COX11: variants seen among roughly 807,000 people sequenced by gnomAD.
The protein encoded by COX11 is cytochrome c oxidase copper chaperone COX11, also known as cytochrome c oxidase assembly protein COX11, mitochondrial.
Under a neutral mutation model 29.4 loss-of-function variants are expected in COX11, and 18 were observed. The observed-to-expected ratio is 0.61, with a 90% CI of 0.42 to 0.91. The LOEUF is 0.91. COX11 is among the 40% of genes least tolerant of loss of function. The pLI, the probability that COX11 is intolerant of heterozygous loss-of-function variation, is 0.00. For missense variants in COX11, 312 were observed against 346.0 expected, an observed-to-expected ratio of 0.90 and a Z score of 0.78; for synonymous variants, 131 against 124.0, an observed-to-expected ratio of 1.06 and a Z score of -0.38.
Position 54,964,683 on chromosome 17 carries a change from G to T in COX11, c.522+14C>A. 2 of 1,608,348 alleles carry T rather than the reference G, an allele frequency of 1.2e-6. No homozygotes were observed. Among genetic ancestry groups the T allele is most frequent in the African/African-American group, 1.3e-5 (1 of 74,908 alleles). ...TTAATAAAGTAATCTTTTAATGACTGGTTAGTCACTTACATATATTTCTGT... is the reference window on the plus strand; with the variant it reads ...TTAATAAAGTAATCTTTTAATGACTTGTTAGTCACTTACATATATTTCTGT... On this transcript the variant is annotated intron_variant, in intron 2 of 3. Coordinates refer to ENST00000299335, the MANE Select transcript of COX11 (RefSeq NM_004375.5).
Position 54,968,332 on chromosome 17 carries a change from G to T in COX11, c.315C>A (p.Gly105=). Residue 105 remains glycine, a synonymous_variant, in exon 1 of 4, where the codon GGC becomes GGA. Transcript: ENST00000299335. ...TLTYVAAVAV[G]MLGASYAAVP... is the part of the protein sequence containing the mutation. ...CGGCAGCGTAGGACGCCCCCAGCAT[G>T]CCCACGGCGACAGCGGCCACGTAAG... The T allele has an allele frequency of 6.2e-7, 1 of 1,612,954 alleles. No homozygotes were observed. The highest frequency in any genetic ancestry group is 8.5e-7 in the Non-Finnish European group (1 of 1,179,932).
chr17:54,961,458 C>T lies in COX11; in HGVS notation c.*1275G>A. On this transcript the variant is annotated 3_prime_UTR_variant, in exon 4 of 4. Coordinates refer to ENST00000299335, the MANE Select transcript of COX11 (RefSeq NM_004375.5). Reference sequence around the variant, plus strand: ...ACAGAACTTGTTTGGAACAAATACTCACTTAAAACTTCAGCAGAAGAAAAA... The same window carrying T: ...ACAGAACTTGTTTGGAACAAATACTTACTTAAAACTTCAGCAGAAGAAAAA... The T allele has an allele frequency of 6.8e-7, 1 of 1,467,378 alleles. No homozygotes were observed. 90.9% of individuals were successfully genotyped at this position (1,467,378 alleles called of 1,614,324 possible). A position where few individuals can be genotyped will look rare whatever the true frequency, so the allele number is the denominator to read the frequency against.
At chr17:54,956,152 ATTATT>A (rs1343872948), downstream of COX11, among the ~76,000 whole-genome samples, 1 of 152,144 alleles carries the variant, frequency 6.6e-6, no homozygotes, top group Non-Finnish European at 1.5e-5. Context: ...ACAGGTTATT[ATTATT>A]TTTTCTTGAC....
Position 54,964,887 on chromosome 17 carries a change from T to C in COX11, c.367-35A>G, listed in dbSNP as rs148574982. Reference sequence around the variant, plus strand: ...GATACCAAATATGTTAAACAATACTTTTAGGTGTTGATGATCTATTTATTT... The same window carrying C: ...GATACCAAATATGTTAAACAATACTCTTAGGTGTTGATGATCTATTTATTT... On this transcript the variant is annotated intron_variant, in intron 1 of 3. Transcript: ENST00000299335. 3.2e-5 allele frequency: 51 copies of C among 1,589,860 alleles called. No homozygotes were observed. In the East Asian group the frequency reaches 8.7e-4, roughly 27 times the overall value.
chr17:54,963,532 T>C (rs2144141156), intron 2 of COX11, 101 bp from the exon 3 acceptor site: 2 of 1,129,516 alleles, frequency 1.8e-6, no homozygotes, highest in South Asian at 3.1e-5. Context: ...CATCAGACCA[T>C]AATACCTAAT....
Position 54,968,640 on chromosome 17 carries a change from C to G in COX11, c.7G>C (p.Gly3Arg), listed in dbSNP as rs763102387. Residue 3 changes from glycine to arginine, a missense_variant, in exon 1 of 4, where the codon GGG (glycine) becomes CGG (arginine). Transcript: ENST00000299335. ...CACCTCCATCCAGGACGCCAGAGCC[C>G]TCCCATAACCCTCTGAACTAACACC... MG[G>R]LWRPGWRCVP... 3.1e-6 allele frequency: 5 copies of G among 1,611,866 alleles called. No individual in the cohort carries two copies. The highest frequency in any genetic ancestry group is 1.7e-4 in the Middle Eastern group (1 of 6,060).
chr17:54,953,945 G>C (rs1253159596), exon 1 of COX11: 1 of 152,202 alleles, frequency 6.6e-6, no homozygotes, highest in Non-Finnish European at 1.5e-5. Context: ...TAGGAATGCT[G>C]ATGGATTTTC....
Position 54,960,670 on chromosome 17 carries a change from A to T in COX11, c.*2063T>A. 1 of 1,408,260 alleles carries T rather than the reference A, an allele frequency of 7.1e-7. No homozygotes were observed. Among genetic ancestry groups the T allele is most frequent in the Non-Finnish European group, 1.0e-6 (1 of 994,548 alleles). 87.2% of individuals were successfully genotyped at this position (1,408,260 alleles called of 1,614,324 possible). A position where few individuals can be genotyped will look rare whatever the true frequency, so the allele number is the denominator to read the frequency against. On this transcript the variant is annotated 3_prime_UTR_variant, in exon 4 of 4. Transcript: ENST00000299335. ...TACAACTTAATTCCATATTCCATAT[A>T]ATTTCAGTATAATTATCACTTTACA... is the stretch of plus-strand genomic sequence containing the variant.
At chr17:54,965,538 A>C (rs1019230514) in intron 1 of COX11, among the ~76,000 whole-genome samples, 2 of 152,216 alleles carry the variant, frequency 1.3e-5, no homozygotes, top group African/African-American at 4.8e-5. Context: ...TATTCATGAC[A>C]GTTATTTCCT....
intron 1 of COX11, among the ~76,000 whole-genome samples, chr17:54,967,996 C>CATTTT (rs199851953): frequency 8.0e-6 from 1 of 124,516 alleles, no homozygotes. Flanking sequence ...GGCTGCGGAC[C>CATTTT]TTTTTTTTTT....
chr17:54,968,605 G>T lies in COX11; in HGVS notation c.42C>A (p.Phe14Leu). The stretch of plus-strand genomic sequence containing the variant: ...CAGGGTGGATCCAGCGCCAGCCACA[G>T]AAAGGAACGCACCTCCATCCAGGAC... ...LWRPGWRCVPFCGWRWIHPGS... is the reference protein window; with the variant it reads ...LWRPGWRCVPLCGWRWIHPGS... The change falls in exon 1 of 4, where the codon TTC becomes TTA. Residue 14 changes from phenylalanine (F) to leucine (L), a missense_variant. Transcript: ENST00000299335. 6.2e-7 allele frequency: 1 copy of T among 1,612,976 alleles called. No individual in the cohort carries two copies. Among genetic ancestry groups the T allele is most frequent in the South Asian group, 1.1e-5 (1 of 91,074 alleles).
chr17:54,955,598 G>T (rs2049459415), downstream of COX11, among the ~76,000 whole-genome samples: 1 of 152,164 alleles, frequency 6.6e-6, no homozygotes, highest in African/African-American at 2.4e-5. Context: ...GAGCCCTACA[G>T]TTATACCACG....
upstream of COX11, chr17:54,968,666 C>A (rs540496770): frequency 5.2e-5 from 82 of 1,588,620 alleles, no homozygotes; most frequent in Non-Finnish European, 5.4e-5. Context: ...AACTAACACC[C>A]ACCCGCCTCT....
chr17:54,968,664 C>T, upstream of COX11: 1 of 1,590,876 alleles, frequency 6.3e-7, no homozygotes, highest in Non-Finnish European at 8.6e-7. Flanking sequence ...TGAACTAACA[C>T]CCACCCGCCT....
At chr17:54,967,038 GCGCGCACACACACA>G (rs2077236665) in intron 1 of COX11, among the ~76,000 whole-genome samples, 1 of 100,136 alleles carries the variant, frequency 1.0e-5, no homozygotes, top group African/African-American at 3.4e-5. Context: ...ACGTGCGCGC[GCGCGCACACACACA>G]CACACACACA....
downstream of COX11, chr17:54,959,282 A>G (rs774062039): frequency 2.0e-5 from 3 of 152,156 alleles, no homozygotes; most frequent in Non-Finnish European, 4.4e-5. Flanking sequence ...GCTTTCAGGT[A>G]TATTTTCCAG....
Position 54,961,243 on chromosome 17 carries a change from G to A in COX11, c.*1490C>T. ...TCTTCTCTTTATTTTAGAAGAAAGTGGATGATCAGCTCACTACCACATCAA... is the reference window on the plus strand; with the variant it reads ...TCTTCTCTTTATTTTAGAAGAAAGTAGATGATCAGCTCACTACCACATCAA... On this transcript the variant is annotated 3_prime_UTR_variant, in exon 4 of 4. Coordinates refer to ENST00000299335, the MANE Select transcript of COX11 (RefSeq NM_004375.5). 2 of 1,538,444 alleles carry A rather than the reference G, an allele frequency of 1.3e-6. No individual in the cohort carries two copies. Among genetic ancestry groups the A allele is most frequent in the Non-Finnish European group, 1.8e-6 (2 of 1,134,914 alleles).
exon 1 of COX11, chr17:54,952,570 A>T (rs2049290772): frequency 6.9e-6 from 1 of 145,850 alleles, no homozygotes; most frequent in Non-Finnish European, 1.5e-5. Context: ...AAAAAAAAAT[A>T]TGGCTGCTGA....
chr17:54,968,171 T>C, intron 1 of COX11, 110 bp downstream of exon 1: 1 of 1,493,152 alleles, frequency 6.7e-7, no homozygotes, highest in Non-Finnish European at 8.9e-7. Flanking sequence ...GTAGATAATA[T>C]CGGAAACCTC....
Sources: allele counts gnomAD v4.1 joint callset (sites outside exome capture counted in the v4.1 genomes callset), GRCh38; gene constraint gnomAD v4.1.1; transcripts MANE v1.5; gene names NCBI Gene and HGNC (gene_info 2026-07-23, HGNC 2026-07-21).